The following TACO1 variants were observed in gnomAD, a reference collection of about 807,000 sequenced individuals.
The protein encoded by TACO1 is translational activator of cytochrome c oxidase I, also known as translational activator of cytochrome c oxidase 1.
In TACO1, 13 loss-of-function variants were observed where a neutral mutation model predicts 24.0. The observed-to-expected ratio is 0.54, with a 90% CI of 0.35 to 0.86. The LOEUF is 0.86. Among genes scored for constraint, TACO1 ranks in the 40% least tolerant of loss-of-function variants. The pLI is 0.01. For synonymous variants in TACO1, 149 were observed against 153.5 expected (o/e 0.97, Z 0.22); for missense variants, 352 against 380.1 (o/e 0.93, Z 0.61).
At chr17:63,606,631 T>G in intron 3 of TACO1, 191 bp downstream of exon 3, 1 of 643,554 alleles carries the variant, frequency 1.6e-6, no homozygotes, top group Non-Finnish European at 2.7e-6. Context: ...CTGCAACCTC[T>G]GCTTTCTGGG....
intron 4 of TACO1, 36 bp downstream of exon 4, chr17:63,607,500 G>A (rs763266902): frequency 1.7e-5 from 28 of 1,611,248 alleles, no homozygotes; most frequent in Middle Eastern, 1.7e-4. Flanking sequence ...GTGGGCTTCC[G>A]GGAGGACCCT....
chr17:63,607,930 A>C lies in TACO1; in HGVS notation c.822A>C (p.Glu274Asp). ...TGCAGCTGGCTGAGCCCGACCTGGA[A>C]CAGGCCGCACATCTCATTCAGGCTC... ...SKVQLAEPDL[E>D]QAAHLIQALS... is the part of the protein sequence containing the mutation. Residue 274 changes from glutamate to aspartate, a missense_variant, in exon 5 of 5, where the codon GAA becomes GAC. Physicochemically the swap from Glu to Asp is conservative, Grantham distance 45. Coordinates refer to ENST00000258975, the MANE Select transcript of TACO1 (RefSeq NM_016360.4). 1 of 1,614,226 alleles carries C rather than the reference A, an allele frequency of 6.2e-7. No homozygotes were observed. The highest frequency in any genetic ancestry group is 8.5e-7 in the Non-Finnish European group (1 of 1,180,042).
intron 2 of TACO1, 49 bp downstream of exon 2, chr17:63,604,689 T>C: frequency 6.5e-7 from 1 of 1,540,616 alleles, no homozygotes; most frequent in Non-Finnish European, 9.0e-7. Flanking sequence ...TCTACCGGGC[T>C]CATGTCTGGA....
At chr17:63,607,741 C>G (rs1045055214) in intron 4 of TACO1, 61 bp from the exon 5 acceptor site, 113 of 1,492,404 alleles carry the variant, frequency 7.6e-5, no homozygotes, top group Non-Finnish European at 9.9e-5. Flanking sequence ...TTGCAAGGTC[C>G]TGTGTGGCTT....
intron 4 of TACO1, 152 bp from the exon 5 acceptor site, chr17:63,607,650 G>A: frequency 1.1e-6 from 1 of 948,988 alleles, no homozygotes; most frequent in Non-Finnish European, 1.6e-6. Flanking sequence ...GAGAAAGAAA[G>A]AGTCAAAACA....
chr17:63,608,003 C>A lies in TACO1; in HGVS notation c.*1C>A. Reference sequence around the variant, plus strand: ...TCACGTCTATGATAACATTGAATAACCAGGCTACATGTGCCCCCGGGTTCC... The same window carrying A: ...TCACGTCTATGATAACATTGAATAAACAGGCTACATGTGCCCCCGGGTTCC... On this transcript the variant is annotated 3_prime_UTR_variant, in exon 5 of 5. Transcript: ENST00000258975. 1 of 1,614,016 alleles carries A rather than the reference C, an allele frequency of 6.2e-7. No individual in the cohort carries two copies. The highest frequency in any genetic ancestry group is 8.5e-7 in the Non-Finnish European group (1 of 1,180,014).
chr17:63,604,746 GC>G (rs2033850183), intron 2 of TACO1, 106 bp downstream of exon 2: 2 of 1,037,976 alleles, frequency 1.9e-6, no homozygotes, highest in Non-Finnish European at 3.0e-6. Flanking sequence ...AAGTGCAGTG[GC>G]TCACGACTAT....
At chr17:63,607,765 C>T in intron 4 of TACO1, 37 bp from the exon 5 acceptor site, 1 of 1,595,760 alleles carries the variant, frequency 6.3e-7, no homozygotes, top group Non-Finnish European at 8.6e-7. Context: ...CTCATTACCT[C>T]CTGGCTCCTC....
chr17:63,607,193 G>A, intron 3 of TACO1, 94 bp from the exon 4 acceptor site: 2 of 1,145,274 alleles, frequency 1.7e-6, no homozygotes, highest in Non-Finnish European at 1.3e-6. Context: ...TTCATAGACT[G>A]GGTAAGAAAG....
In TACO1 at chr17:63,601,366, G is replaced by A. The variant is rs1447113215; in HGVS notation, c.280+3G>A. On this transcript the variant is annotated splice_donor_region_variant and intron_variant, in intron 1 of 4. Transcript: ENST00000258975. Reference sequence around the variant, plus strand: ...GAACATCCGCCTGGCAGTGAAAGGTGAGACCCTGACGGTCACCCAGCACTG... The same window carrying A: ...GAACATCCGCCTGGCAGTGAAAGGTAAGACCCTGACGGTCACCCAGCACTG... 1.9e-6 allele frequency: 3 copies of A among 1,611,904 alleles called. No individual in the cohort carries two copies. Among genetic ancestry groups the A allele is most frequent in the South Asian group, 1.1e-5 (1 of 90,960 alleles).
intron 4 of TACO1, 78 bp from the exon 5 acceptor site, chr17:63,607,724 C>G: frequency 7.4e-7 from 1 of 1,355,844 alleles, no homozygotes; most frequent in Non-Finnish European, 1.0e-6. Flanking sequence ...TACTGACATT[C>G]AGGACTTTGC....
At chr17:63,604,427 G>T in intron 1 of TACO1, 107 bp from the exon 2 acceptor site, 1 of 895,218 alleles carries the variant, frequency 1.1e-6, no homozygotes, top group South Asian at 1.3e-5. Flanking sequence ...GCTAAATGGT[G>T]ATTTGCCACT....
intron 4 of TACO1, 149 bp from the exon 5 acceptor site, chr17:63,607,653 T>A: frequency 1.0e-6 from 1 of 962,142 alleles, no homozygotes; most frequent in Non-Finnish European, 1.6e-6. Context: ...AAAGAAAGAG[T>A]CAAAACATTG....
intron 3 of TACO1, chr17:63,606,680 G>A (rs1248611170): frequency 3.9e-6 from 2 of 517,966 alleles, no homozygotes; most frequent in Non-Finnish European, 7.0e-6. Flanking sequence ...TGAGTAGCTG[G>A]GATTAAAGAT....
chr17:63,606,972 C>T (rs1023658405), intron 3 of TACO1: 6 of 451,164 alleles, frequency 1.3e-5, no homozygotes, highest in Non-Finnish European at 2.0e-5. Flanking sequence ...GTCCTATTAT[C>T]CCCATCTGTA....
chr17:63,602,776 C>A (rs1479547549), intron 1 of TACO1, among the ~76,000 whole-genome samples: 1 of 152,014 alleles, frequency 6.6e-6, no homozygotes, highest in East Asian at 1.9e-4. Flanking sequence ...ATGATCTACC[C>A]ACCTCCACCT....
intron 1 of TACO1, among the ~76,000 whole-genome samples, chr17:63,601,833 C>T (rs745573361): frequency 6.6e-6 from 1 of 152,144 alleles, no homozygotes; most frequent in Non-Finnish European, 1.5e-5. Flanking sequence ...AATGTTTCCC[C>T]AAGACACATT....
chr17:63,605,517 A>G (rs1481741636), intron 2 of TACO1, among the ~76,000 whole-genome samples: 1 of 152,258 alleles, frequency 6.6e-6, no homozygotes, highest in Non-Finnish European at 1.5e-5. Flanking sequence ...CACCGTAAGT[A>G]GAAACTGAGG....
In TACO1 at chr17:63,601,188, C is replaced by G; in HGVS notation, c.105C>G (p.Ser35=). 1.3e-6 allele frequency: 2 copies of G among 1,556,742 alleles called. No individual in the cohort carries two copies. The highest frequency in any genetic ancestry group is 1.7e-6 in the Non-Finnish European group (2 of 1,151,284). ...CTCCTCCGCGCGACCCCCGGCCCTC[C>G]CACCCCGAGCCCCGGGGCTGCGGTG... ...RAAPPRDPRP[S]HPEPRGCGAA... is the part of the protein sequence containing the mutation. Residue 35 remains serine, a synonymous_variant, in exon 1 of 5, where the codon TCC becomes TCG. Coordinates refer to ENST00000258975, the MANE Select transcript of TACO1 (RefSeq NM_016360.4).
Sources: allele counts gnomAD v4.1 joint callset (sites outside exome capture counted in the v4.1 genomes callset), GRCh38; gene constraint gnomAD v4.1.1; transcripts MANE v1.5; gene names NCBI Gene and HGNC (gene_info 2026-07-23, HGNC 2026-07-21).